KIRREL3: variants seen among roughly 807,000 people sequenced by gnomAD.
The protein encoded by KIRREL3 is kirre like nephrin family adhesion molecule 3, also known as kin of IRRE-like protein 3.
KIRREL3 carries 36 observed loss-of-function variants against 89.7 expected under a neutral mutation model. The observed-to-expected ratio is 0.40, with a 90% confidence interval of 0.31 to 0.53. The LOEUF is 0.53. KIRREL3 is among the 20% of genes least tolerant of loss of function. The probability of loss-of-function intolerance (pLI) is 0.49; values close to 1 mark genes in which losing one functional copy is unlikely to be tolerated. For synonymous variants in KIRREL3, 445 were observed against 441.4 expected, an observed-to-expected ratio of 1.01 and a Z score of -0.10; for missense variants, 864 against 1,056.6, an observed-to-expected ratio of 0.82 and a Z score of 2.53.
At chr11:126,487,588 T>C (rs531640251) in intron 4 of KIRREL3, among the ~76,000 whole-genome samples, 241 of 152,322 alleles carry the variant, frequency 1.6e-3, no homozygotes, top group African/African-American at 5.4e-3. Flanking sequence ...ACCTGAGCCT[T>C]CTTCTTTTTT....
chr11:126,725,793 C>A (rs892083458), intron 1 of KIRREL3, among the ~76,000 whole-genome samples: 5 of 152,156 alleles, frequency 3.3e-5, no homozygotes, highest in African/African-American at 1.2e-4. Context: ...CTACAGAGAG[C>A]ATGGGGGGAG....
intron 1 of KIRREL3, among the ~76,000 whole-genome samples, chr11:126,659,218 T>C (rs1361489020): frequency 6.6e-6 from 1 of 152,172 alleles, no homozygotes; most frequent in Non-Finnish European, 1.5e-5. Flanking sequence ...TTTATTTATT[T>C]TTTCTCTTAT....
Position 126,525,016 on chromosome 11 carries a change from C to T in KIRREL3, c.283+1522G>A, listed in dbSNP as rs552245035. On this transcript the variant is annotated intron_variant, in intron 3 of 16. Transcript: ENST00000525144. This position sits in a 1 kb window ranked among gnomAD's most constrained non-coding sequence, Gnocchi z 5.4. Reference sequence around the variant, plus strand: ...GAGTCAAGCTGGAGAGGACACAGGCCCCAGTTTGTCAGAGGCCATTGTTCT... The same window carrying T: ...GAGTCAAGCTGGAGAGGACACAGGCTCCAGTTTGTCAGAGGCCATTGTTCT... 5.0e-4 allele frequency among the ~76,000 whole-genome samples: 76 copies of T among 152,272 alleles called. 3 individuals carry two copies. The South Asian group carries it at 9.8e-3, about 20-fold the overall frequency.
At chr11:126,927,992 A>G (rs1451757937) in intron 1 of KIRREL3, among the ~76,000 whole-genome samples, 1 of 152,242 alleles carries the variant, frequency 6.6e-6, no homozygotes, top group Non-Finnish European at 1.5e-5. Context: ...GGAAACAAAT[A>G]AAAAAACCAA....
intron 1 of KIRREL3, among the ~76,000 whole-genome samples, chr11:126,824,833 C>T (rs913747337): frequency 2.6e-5 from 4 of 152,140 alleles, no homozygotes; most frequent in African/African-American, 9.7e-5. Flanking sequence ...TGTCTTTTGT[C>T]CCGCACCTGT....
Position 126,668,441 on chromosome 11 carries a change from G to C in KIRREL3, c.56-105529C>G, listed in dbSNP as rs1442973034. ...AATAAAACACCCTGGCTATAGAAGA[G>C]AGGTGGCTTTTCCTCTCCCCAGACA... On this transcript the variant is annotated intron_variant, in intron 1 of 16. Transcript: ENST00000525144. The surrounding 1 kb of genome is among the most constrained non-coding windows in gnomAD (Gnocchi z 4.4). Among the ~76,000 whole-genome samples, 2 of 152,164 alleles carry C rather than the reference G, an allele frequency of 1.3e-5. No individual in the cohort carries two copies. Among genetic ancestry groups the C allele is most frequent in the Non-Finnish European group, 1.5e-5 (1 of 68,042 alleles).
chr11:126,741,431 C>T (rs748200789), intron 1 of KIRREL3, among the ~76,000 whole-genome samples: 32 of 152,120 alleles, frequency 2.1e-4, no homozygotes, highest in East Asian at 1.9e-4. Context: ...GTAATTCATA[C>T]GGAGCCAGAC....
chr11:126,630,712 G>A (rs1288555319), intron 1 of KIRREL3, among the ~76,000 whole-genome samples: 1 of 152,168 alleles, frequency 6.6e-6, no homozygotes, highest in South Asian at 2.1e-4. Context: ...GCTTTTAGAA[G>A]CATGCCTCAC....
chr11:126,899,211 T>C (rs181342965), intron 1 of KIRREL3, among the ~76,000 whole-genome samples: 1 of 152,248 alleles, frequency 6.6e-6, no homozygotes, highest in Admixed American at 6.5e-5. Flanking sequence ...GTGCATTGAC[T>C]TTTTGACTTG....
At position 126,941,264 on chromosome 11, in the gene KIRREL3, C is replaced by A. The variant is rs559692778; in HGVS notation, c.55+59191G>T. Reference sequence around the variant, plus strand: ...AGCAGTTATAGTAAAAACAAACAAACAAAAAACCCTCCATTGTCTTTTATT... The same window carrying A: ...AGCAGTTATAGTAAAAACAAACAAAAAAAAAACCCTCCATTGTCTTTTATT... On this transcript the variant is annotated intron_variant, in intron 1 of 16. Transcript: ENST00000525144. 3.3e-4 allele frequency among the ~76,000 whole-genome samples: 50 copies of A among 151,472 alleles called. No individual in the cohort carries two copies. In the East Asian group the frequency reaches 9.5e-3, roughly 29 times the overall value.
chr11:126,707,835 C>CTTTT (rs11383510), intron 1 of KIRREL3, among the ~76,000 whole-genome samples: 3 of 147,482 alleles, frequency 2.0e-5, no homozygotes, highest in African/African-American at 7.5e-5. Flanking sequence ...TTGTGATGAG[C>CTTTT]TTTTTTTTTT....
chr11:126,772,405 G>A lies in KIRREL3; in HGVS notation c.56-209493C>T, dbSNP rs555751241. Among the ~76,000 whole-genome samples, 318 of 152,274 alleles carry A rather than the reference G, an allele frequency of 2.1e-3. No individual in the cohort carries two copies. The highest frequency in any genetic ancestry group is 3.3e-3 in the Non-Finnish European group (225 of 68,018). On this transcript the variant is annotated intron_variant, in intron 1 of 16. Coordinates refer to ENST00000525144, the MANE Select transcript of KIRREL3 (RefSeq NM_032531.4). This position sits in a 1 kb window ranked among gnomAD's most constrained non-coding sequence, Gnocchi z 4.6. ...CAGGCTCAGCGGCACCACGTGGTGC[G>A]GGGATGGCTTATAATTTGAGGGAGA...
At chr11:126,785,064 A>C (rs1330118332) in intron 1 of KIRREL3, among the ~76,000 whole-genome samples, 7 of 152,134 alleles carry the variant, frequency 4.6e-5, no homozygotes, top group Admixed American at 4.6e-4. Context: ...CTCAAATCAC[A>C]TTTTGCCTGT....
Position 126,837,936 on chromosome 11 carries a change from T to A in KIRREL3, c.55+162519A>T, listed in dbSNP as rs1565340246. ...GTCTAGGATATAATCTGTAGTTAAA[T>A]GCATAGTTGATTTATCATTATCTTG... On this transcript the variant is annotated intron_variant, in intron 1 of 16. Coordinates refer to ENST00000525144, the MANE Select transcript of KIRREL3 (RefSeq NM_032531.4). This position sits in a 1 kb window ranked among gnomAD's most constrained non-coding sequence, Gnocchi z 4.7. Among the ~76,000 whole-genome samples the A allele has an allele frequency of 6.6e-6, 1 of 152,218 alleles. No individual in the cohort carries two copies. Among genetic ancestry groups the A allele is most frequent in the Non-Finnish European group, 1.5e-5 (1 of 68,048 alleles).
At chr11:126,630,219 G>A (rs1943961301) in intron 1 of KIRREL3, among the ~76,000 whole-genome samples, 1 of 152,180 alleles carries the variant, frequency 6.6e-6, no homozygotes, top group South Asian at 2.1e-4. Flanking sequence ...CCAAAGGTCT[G>A]TGTCGAATGG....
chr11:126,734,991 A>G lies in KIRREL3; in HGVS notation c.56-172079T>C, dbSNP rs753279852. ...AATGTGCACTGCCTGCAGCAAGCAT[A>G]GCAGTTTGGCAGGGAGGCTCATAAC... On this transcript the variant is annotated intron_variant, in intron 1 of 16. Transcript: ENST00000525144. This position sits in a 1 kb window ranked among gnomAD's most constrained non-coding sequence, Gnocchi z 5.9. Among the ~76,000 whole-genome samples, 4 of 152,188 alleles carry G rather than the reference A, an allele frequency of 2.6e-5. No homozygotes were observed. Among genetic ancestry groups the G allele is most frequent in the Non-Finnish European group, 5.9e-5 (4 of 68,036 alleles).
Position 126,682,071 on chromosome 11 carries a change from A to G in KIRREL3, c.56-119159T>C. ...AAAGTTCTATGTTGTATTTTATTTGATGCAAAGCAATAAAATATTCCTCCC... is the reference window on the plus strand; with the variant it reads ...AAAGTTCTATGTTGTATTTTATTTGGTGCAAAGCAATAAAATATTCCTCCC... On this transcript the variant is annotated intron_variant, in intron 1 of 16. Transcript: ENST00000525144. The surrounding 1 kb of genome is among the most constrained non-coding windows in gnomAD (Gnocchi z 4.8). 2.9e-6 allele frequency: 1 copy of G among 346,088 alleles called. No homozygotes were observed. Among genetic ancestry groups the G allele is most frequent in the South Asian group, 2.3e-5 (1 of 44,424 alleles). The allele number at this position is 346,088 out of a possible 1,614,324, so 21.4% of individuals were successfully genotyped here.
intron 1 of KIRREL3, among the ~76,000 whole-genome samples, chr11:126,868,123 C>T (rs1261105033): frequency 2.6e-5 from 4 of 151,936 alleles, no homozygotes; most frequent in African/African-American, 7.3e-5. Context: ...AGGAGAGTCT[C>T]GTATTGGACT....
At chr11:126,930,456 T>C (rs1006055806) in intron 1 of KIRREL3, among the ~76,000 whole-genome samples, 9 of 152,212 alleles carry the variant, frequency 5.9e-5, no homozygotes, top group African/African-American at 2.2e-4. Flanking sequence ...ATCATCTCAC[T>C]GCCCTACTGC....
Sources: gnomAD v4.1 joint callset for allele counts (sites outside exome capture counted in the v4.1 genomes callset) on GRCh38, gnomAD v4.1.1 for gene constraint, Gnocchi (gnomAD v3.1) non-coding constraint, MANE v1.5 for transcripts, NCBI Gene and HGNC (gene_info 2026-07-23, HGNC 2026-07-21) for gene names.